Variants in ZFAND6 observed in about 807,000 individuals in gnomAD.
ZFAND6 encodes zinc finger AN1-type containing 6, also known as AN1-type zinc finger protein 6.
ZFAND6 carries 12 observed loss-of-function variants against 24.5 expected under a neutral mutation model. The ratio of observed to expected loss-of-function variants is 0.49; its 90% CI spans 0.31 to 0.79. The LOEUF is 0.79. Among genes scored for constraint, ZFAND6 ranks in the 30% least tolerant of loss-of-function variants. The pLI, the probability that ZFAND6 is intolerant of heterozygous loss-of-function variation, is 0.04. For synonymous variants in ZFAND6, 92 were observed against 81.5 expected (o/e 1.13, Z -0.69); for missense variants, 207 against 245.9 (o/e 0.84, Z 1.06).
At chr15:80,119,028 A>C (rs1219175982) in intron 2 of ZFAND6, among the ~76,000 whole-genome samples, 3 of 152,182 alleles carry the variant, frequency 2.0e-5, no homozygotes, top group Non-Finnish European at 4.4e-5. Flanking sequence ...TCTGTAATAC[A>C]TATACACCCA....
chr15:80,121,751 A>AATGCACAGATGGCAGTGTGCC lies in ZFAND6; in HGVS notation c.196_216dup (p.Cys66_Pro72dup), dbSNP rs757286361. The AATGCACAGATGGCAGTGTGCC allele has an allele frequency of 6.2e-7, 1 of 1,613,916 alleles. No individual in the cohort carries two copies. Among genetic ancestry groups the AATGCACAGATGGCAGTGTGCC allele is most frequent in the Admixed American group, 1.7e-5 (1 of 60,020 alleles). On this transcript the variant is annotated inframe_insertion, in exon 4 of 7. Transcript: ENST00000261749. ...AGTCTGTCTGAATCTTTACCAGTTC[A>AATGCACAGATGGCAGTGTGCC]ATGCACAGATGGCAGTGTGCCAGAA...
chr15:80,126,247 T>G (rs2040366290), intron 5 of ZFAND6, among the ~76,000 whole-genome samples: 1 of 152,196 alleles, frequency 6.6e-6, no homozygotes, highest in Non-Finnish European at 1.5e-5. Context: ...AGGGGGACAG[T>G]CTCTTTGGAC....
intron 2 of ZFAND6, chr15:80,115,070 G>A (rs2141995939): frequency 6.6e-6 from 1 of 152,048 alleles, no homozygotes; most frequent in East Asian, 1.9e-4. Flanking sequence ...GGGGAACTTG[G>A]GCAAGTTACT....
At chr15:80,073,744 G>C (rs1257136981) in intron 1 of ZFAND6, among the ~76,000 whole-genome samples, 2 of 151,696 alleles carry the variant, frequency 1.3e-5, no homozygotes, top group Non-Finnish European at 3.0e-5. Flanking sequence ...CAATAATTAT[G>C]AATCTGTGCA....
At chr15:80,075,015 AC>A (rs956023908) in intron 1 of ZFAND6, 2 of 156,066 alleles carry the variant, frequency 1.3e-5, no homozygotes, top group African/African-American at 4.8e-5. Flanking sequence ...AAATAATTTA[AC>A]TTACTTTGTG....
intron 5 of ZFAND6, among the ~76,000 whole-genome samples, chr15:80,124,862 A>G (rs77004907): frequency 0.014 from 2,059 of 152,306 alleles, 38 homozygotes; most frequent in African/African-American, 0.047. Context: ...AGGTTCCAGT[A>G]TGTAAAATCT....
intron 1 of ZFAND6, among the ~76,000 whole-genome samples, chr15:80,088,184 A>G (rs143486007): frequency 6.6e-6 from 1 of 152,274 alleles, no homozygotes; most frequent in African/African-American, 2.4e-5. Context: ...CAAACTTTAT[A>G]CTTTACAACT....
In ZFAND6 at chr15:80,137,606, G is replaced by T; in HGVS notation, c.605G>T (p.Gly202Val). 6.3e-7 allele frequency: 1 copy of T among 1,592,866 alleles called. No individual in the cohort carries two copies. The highest frequency in any genetic ancestry group is 8.5e-7 in the Non-Finnish European group (1 of 1,173,546). Residue 202 changes from glycine (G) to valine (V), a missense_variant, in exon 7 of 7, where the codon GGT becomes GTT. Physicochemically the swap from Gly to Val is moderately radical, Grantham distance 109. Around this residue, in one of 3 missense-constraint regions of ZFAND6, gnomAD observed 45 missense variants for 67.7 expected, o/e 0.66. Coordinates refer to ENST00000261749, the MANE Select transcript of ZFAND6 (RefSeq NM_019006.4). ...KIRKENPVVV[G>V]EKIQKI The stretch of plus-strand genomic sequence containing the variant: ...AGAAAAGAAAATCCAGTAGTTGTTG[G>T]TGAAAAGATCCAAAAGATTTGAACT...
At chr15:80,087,853 T>C (rs1288001582) in intron 1 of ZFAND6, among the ~76,000 whole-genome samples, 1 of 152,180 alleles carries the variant, frequency 6.6e-6, no homozygotes. Context: ...CTTGGGGGTG[T>C]ATTATGCATG....
intron 1 of ZFAND6, among the ~76,000 whole-genome samples, chr15:80,091,504 A>G (rs1463595268): frequency 1.3e-5 from 2 of 152,210 alleles, no homozygotes; most frequent in Admixed American, 1.3e-4. Context: ...AATTTTTATA[A>G]TGTTATGAAA....
intron 3 of ZFAND6, among the ~76,000 whole-genome samples, chr15:80,121,304 A>AT (rs1365291894): frequency 1.3e-5 from 2 of 152,228 alleles, no homozygotes; most frequent in Non-Finnish European, 2.9e-5. Flanking sequence ...TTGTTTTAAA[A>AT]TTAAGTCATC....
chr15:80,071,352 A>G (rs2036967393), intron 1 of ZFAND6, among the ~76,000 whole-genome samples: 1 of 152,196 alleles, frequency 6.6e-6, no homozygotes, highest in Admixed American at 6.5e-5. Flanking sequence ...AGTCACTCTA[A>G]TAAGCTTTAA....
chr15:80,073,432 CTG>C (rs1412393581), intron 1 of ZFAND6: 5 of 196,920 alleles, frequency 2.5e-5, no homozygotes, highest in Admixed American at 5.8e-5. Context: ...TTTTTAGAGA[CTG>C]TTTTCTTTAT....
intron 3 of ZFAND6, among the ~76,000 whole-genome samples, chr15:80,121,149 T>C (rs2040128805): frequency 6.6e-6 from 1 of 152,008 alleles, no homozygotes; most frequent in African/African-American, 2.4e-5. Flanking sequence ...ATGTATAGAT[T>C]TTTGTGGTTA....
At chr15:80,136,296 C>T (rs188084555) in intron 6 of ZFAND6, among the ~76,000 whole-genome samples, 1 of 152,172 alleles carries the variant, frequency 6.6e-6, no homozygotes, top group Admixed American at 6.5e-5. Context: ...GAAACTCAGT[C>T]TCTACTAAAA....
At chr15:80,099,679 C>T (rs2038933160) in intron 2 of ZFAND6, among the ~76,000 whole-genome samples, 1 of 136,494 alleles carries the variant, frequency 7.3e-6, no homozygotes. Context: ...GGCAGTGGCA[C>T]AATTTCTGCT....
At chr15:80,092,354 T>TGA (rs920207677) in intron 1 of ZFAND6, among the ~76,000 whole-genome samples, 2 of 150,018 alleles carry the variant, frequency 1.3e-5, no homozygotes, top group African/African-American at 4.9e-5. Flanking sequence ...AAGGATTGCT[T>TGA]GAGGACGGGA....
At chr15:80,069,963 G>A (rs1378699523) in intron 1 of ZFAND6, among the ~76,000 whole-genome samples, 2 of 152,058 alleles carry the variant, frequency 1.3e-5, no homozygotes, top group Admixed American at 1.3e-4. Context: ...TATCCTTAGT[G>A]ATCCCAGTTA....
intron 1 of ZFAND6, among the ~76,000 whole-genome samples, chr15:80,064,625 C>G (rs2036514985): frequency 6.6e-6 from 1 of 151,800 alleles, no homozygotes; most frequent in African/African-American, 2.4e-5. Context: ...CACACACACA[C>G]ACACGTATGT....
Sources: allele counts gnomAD v4.1 joint callset (sites outside exome capture counted in the v4.1 genomes callset), GRCh38; gene constraint gnomAD v4.1.1; regional missense constraint gnomAD v4.1.1; transcripts MANE v1.5; gene names NCBI Gene and HGNC (gene_info 2026-07-23, HGNC 2026-07-21).